Variants in SLC35F1 observed in about 807,000 individuals in gnomAD.
SLC35F1 encodes the protein solute carrier family 35 member F1.
SLC35F1 carries 14 observed loss-of-function variants against 48.7 expected under a neutral mutation model. That is an observed-to-expected ratio of 0.29 (90% CI 0.19 to 0.45). SLC35F1 has a LOEUF of 0.45. Ranked by LOEUF, SLC35F1 falls within the 20% of genes least tolerant of loss-of-function variation. The pLI is 1.00. For missense variants in SLC35F1, 404 were observed against 500.0 expected, an observed-to-expected ratio of 0.81 and a Z score of 1.83; for synonymous variants, 190 against 202.2, an observed-to-expected ratio of 0.94 and a Z score of 0.51.
At chr6:118,027,838 T>G (rs565110501) in intron 1 of SLC35F1, among the ~76,000 whole-genome samples, 26 of 152,126 alleles carry the variant, frequency 1.7e-4, no homozygotes, top group Non-Finnish European at 3.5e-4. Flanking sequence ...TCTTTTATGG[T>G]TCACACTTTT....
rs59548308 is a variant in SLC35F1, at chr6:118,085,487, C to CTTTTTTTTTTTTTTTTTTTTTTTTT, written c.174-68954_174-68930dup. Among the ~76,000 whole-genome samples, 36 of 56,958 alleles carry CTTTTTTTTTTTTTTTTTTTTTTTTT rather than the reference C, an allele frequency of 6.3e-4. 8 individuals are homozygous for CTTTTTTTTTTTTTTTTTTTTTTTTT. The highest frequency in any genetic ancestry group is 3.9e-3 in the East Asian group (7 of 1,776). The allele number at this position is 56,958 out of a possible 152,430, so 37.4% of individuals were successfully genotyped here. On this transcript the variant is annotated intron_variant, in intron 1 of 7. Coordinates refer to ENST00000360388, the MANE Select transcript of SLC35F1 (RefSeq NM_001029858.4). Reference sequence around the variant, plus strand: ...TTTTCTCTTTTTTTTTCTTTCTTTCCTTTTTTTTTTTTTTTTTTTTTTTTT... The same window carrying CTTTTTTTTTTTTTTTTTTTTTTTTT: ...TTTTCTCTTTTTTTTTCTTTCTTTCCTTTTTTTTTTTTTTTTTTTTTTTTTTTTTTTTTTTTTTTTTTTTTTTTTT...
intron 3 of SLC35F1, among the ~76,000 whole-genome samples, chr6:118,252,438 C>T (rs1026396668): frequency 2.0e-5 from 3 of 151,962 alleles, no homozygotes; most frequent in Admixed American, 6.6e-5. Flanking sequence ...CCTCAGTCAC[C>T]GGGGGAATGG....
At chr6:117,951,728 C>G (rs531976110) in intron 1 of SLC35F1, among the ~76,000 whole-genome samples, 7 of 152,260 alleles carry the variant, frequency 4.6e-5, no homozygotes, top group African/African-American at 1.2e-4. Flanking sequence ...GGAAAGAGCC[C>G]TGTGCAAACC....
intron 1 of SLC35F1, among the ~76,000 whole-genome samples, chr6:118,100,700 G>A (rs1021517017): frequency 1.3e-5 from 2 of 152,124 alleles, no homozygotes; most frequent in African/African-American, 2.4e-5. Flanking sequence ...GAGCCTCAGT[G>A]TCCAGAGTTT....
At chr6:117,976,804 C>T (rs1776711908) in intron 1 of SLC35F1, among the ~76,000 whole-genome samples, 1 of 152,120 alleles carries the variant, frequency 6.6e-6, no homozygotes, top group African/African-American at 2.4e-5. Context: ...AATAATTGCT[C>T]CATAATCCTA....
intron 1 of SLC35F1, among the ~76,000 whole-genome samples, chr6:118,129,428 C>T (rs1773677576): frequency 6.6e-6 from 1 of 152,144 alleles, no homozygotes; most frequent in South Asian, 2.1e-4. Flanking sequence ...GTGTCAAGGG[C>T]TTGTAAGCCA....
intron 1 of SLC35F1, among the ~76,000 whole-genome samples, chr6:117,984,877 A>G (rs547572940): frequency 1.3e-5 from 2 of 152,334 alleles, no homozygotes; most frequent in African/African-American, 4.8e-5. Context: ...TAACTCACAC[A>G]TGTCTGATGT....
At chr6:118,041,871 G>T (rs1332772424) in intron 1 of SLC35F1, among the ~76,000 whole-genome samples, 2 of 151,930 alleles carry the variant, frequency 1.3e-5, no homozygotes, top group East Asian at 3.9e-4. Flanking sequence ...TGAGTAATTG[G>T]GACCTTATCT....
intron 2 of SLC35F1, among the ~76,000 whole-genome samples, chr6:118,229,154 C>A (rs540960188): frequency 7.9e-5 from 12 of 152,168 alleles, no homozygotes; most frequent in Admixed American, 7.2e-4. Flanking sequence ...CCTCACCCCA[C>A]CCCATGTGCA....
At chr6:118,030,102 A>C (rs1356083454) in intron 1 of SLC35F1, among the ~76,000 whole-genome samples, 3 of 152,222 alleles carry the variant, frequency 2.0e-5, no homozygotes, top group Non-Finnish European at 2.9e-5. Flanking sequence ...TAAAGACTTG[A>C]AGGAGGCGAG....
At chr6:118,154,333 T>A (rs886769369) in intron 1 of SLC35F1, 112 bp from the exon 2 acceptor site, 4 of 835,930 alleles carry the variant, frequency 4.8e-6, no homozygotes, top group Non-Finnish European at 7.5e-6. Context: ...GGAATAATAT[T>A]TAATTGCACT....
intron 7 of SLC35F1, among the ~76,000 whole-genome samples, chr6:118,298,341 T>G (rs1013226958): frequency 6.6e-6 from 1 of 152,140 alleles, no homozygotes; most frequent in African/African-American, 2.4e-5. Flanking sequence ...CAGGGTTCTC[T>G]TTGACAACAT....
chr6:118,274,633 G>T (rs2114629698), intron 4 of SLC35F1, among the ~76,000 whole-genome samples: 1 of 152,248 alleles, frequency 6.6e-6, no homozygotes, highest in Non-Finnish European at 1.5e-5. Context: ...CCTGATGTCA[G>T]GTGATCCACC....
intron 1 of SLC35F1, among the ~76,000 whole-genome samples, chr6:117,993,066 G>C (rs1356413353): frequency 6.6e-6 from 1 of 152,154 alleles, no homozygotes; most frequent in Non-Finnish European, 1.5e-5. Context: ...CTCTCTTCCT[G>C]CTCAGTCAGC....
intron 1 of SLC35F1, among the ~76,000 whole-genome samples, chr6:117,950,550 G>A (rs544642053): frequency 1.3e-5 from 2 of 152,298 alleles, no homozygotes; most frequent in African/African-American, 2.4e-5. Flanking sequence ...ATATAAATCT[G>A]TGCCTTCAAG....
At chr6:118,164,581 G>T (rs761412695) in intron 2 of SLC35F1, among the ~76,000 whole-genome samples, 2 of 152,072 alleles carry the variant, frequency 1.3e-5, no homozygotes, top group Non-Finnish European at 2.9e-5. Context: ...TTTCATGTGG[G>T]TTAAGATGAT....
At chr6:118,128,261 C>T (rs1424876518) in intron 1 of SLC35F1, among the ~76,000 whole-genome samples, 3 of 147,926 alleles carry the variant, frequency 2.0e-5, no homozygotes, top group Non-Finnish European at 4.5e-5. Context: ...GGCGATTCCT[C>T]AGGGATCTAG....
At chr6:118,299,073 C>T (rs1407210150) in intron 7 of SLC35F1, among the ~76,000 whole-genome samples, 4 of 151,966 alleles carry the variant, frequency 2.6e-5, no homozygotes, top group Non-Finnish European at 5.9e-5. Flanking sequence ...CCCAGATACT[C>T]GGGATGCTAA....
chr6:118,013,838 C>T (rs948412113), intron 1 of SLC35F1, among the ~76,000 whole-genome samples: 4 of 152,170 alleles, frequency 2.6e-5, no homozygotes, highest in Non-Finnish European at 5.9e-5. Context: ...TAATTGACAT[C>T]ATGCTTTTTT....
Sources: allele counts gnomAD v4.1 joint callset (sites outside exome capture counted in the v4.1 genomes callset), GRCh38; gene constraint gnomAD v4.1.1; transcripts MANE v1.5; gene names NCBI Gene and HGNC (gene_info 2026-07-23, HGNC 2026-07-21).